The following NFILZ variants were observed in gnomAD, a reference collection of about 807,000 sequenced individuals.
The protein encoded by NFILZ is NFIL3 like basic leucine zipper.
chr19:8,656,034 G>A (rs1271747335), intron 3 of NFILZ, among the ~76,000 whole-genome samples: 2 of 152,012 alleles, frequency 1.3e-5, no homozygotes, highest in East Asian at 1.9e-4. Flanking sequence ...CCCTCTCCGA[G>A]GTTCTCTTCC....
rs901927373 is a variant in NFILZ at position 8,655,919 on chromosome 19, G to T, written c.-163-18632G>T. 1.4e-4 allele frequency among the ~76,000 whole-genome samples: 22 copies of T among 151,902 alleles called. No individual in the cohort carries two copies. In the South Asian group the frequency reaches 4.2e-3, roughly 29 times the overall value. On this transcript the variant is annotated intron_variant, in intron 3 of 5. Transcript: ENST00000691075. Reference sequence around the variant, plus strand: ...TCCCTGGGTCTCTGGTTCAGGGGGGGTCTCTGTCTCCGTTTGAGTCTCTGT... The same window carrying T: ...TCCCTGGGTCTCTGGTTCAGGGGGGTTCTCTGTCTCCGTTTGAGTCTCTGT...
At chr19:8,634,356 G>A (rs1174801846) in intron 2 of NFILZ, among the ~76,000 whole-genome samples, 1 of 151,964 alleles carries the variant, frequency 6.6e-6, no homozygotes, top group Admixed American at 6.6e-5. Context: ...GATTGCAGTG[G>A]TGCAATCCAG....
At chr19:8,659,179 C>A (rs528335665) in intron 3 of NFILZ, among the ~76,000 whole-genome samples, 1 of 145,690 alleles carries the variant, frequency 6.9e-6, no homozygotes, top group African/African-American at 2.6e-5. Flanking sequence ...CCTGAGAAGG[C>A]GGAGATGGCA....
intron 4 of NFILZ, among the ~76,000 whole-genome samples, chr19:8,675,642 G>C (rs76615731): frequency 0.023 from 3,494 of 152,248 alleles, 132 homozygotes; most frequent in African/African-American, 0.079. Context: ...TGGCATACAA[G>C]TGTAGTCCCA....
chr19:8,644,646 G>A (rs782196038), intron 3 of NFILZ, among the ~76,000 whole-genome samples: 5 of 150,456 alleles, frequency 3.3e-5, no homozygotes, highest in Non-Finnish European at 7.4e-5. Context: ...TTTTTTTTTT[G>A]TAGAGATGGG....
chr19:8,661,807 G>T (rs1255768227), intron 3 of NFILZ, among the ~76,000 whole-genome samples: 2 of 152,076 alleles, frequency 1.3e-5, no homozygotes, highest in African/African-American at 4.8e-5. Context: ...CAGGAGAATC[G>T]CTTGAACCCA....
chr19:8,667,607 G>A (rs1185127636), intron 3 of NFILZ, among the ~76,000 whole-genome samples: 2 of 152,068 alleles, frequency 1.3e-5, no homozygotes, highest in Non-Finnish European at 2.9e-5. Context: ...CAGTGCAGTG[G>A]TGCGATCTCG....
intron 3 of NFILZ, among the ~76,000 whole-genome samples, chr19:8,639,230 A>G (rs10410759): frequency 0.012 from 1,852 of 152,150 alleles, 42 homozygotes; most frequent in African/African-American, 0.043. Flanking sequence ...GCAAAGGCAG[A>G]GAGGTGACAG....
At chr19:8,670,429 C>T (rs79948206) in intron 3 of NFILZ, among the ~76,000 whole-genome samples, 2,173 of 152,022 alleles carry the variant, frequency 0.014, 60 homozygotes, top group African/African-American at 0.049. Flanking sequence ...AACCATTAAA[C>T]GTATGAATAT....
At chr19:8,650,704 TA>T (rs201781332) in intron 3 of NFILZ, among the ~76,000 whole-genome samples, 35 of 150,176 alleles carry the variant, frequency 2.3e-4, no homozygotes, top group Non-Finnish European at 2.8e-4. Flanking sequence ...AAACTCATGC[TA>T]AAAAAAAAGA....
At chr19:8,631,477 G>T (rs1219166959) in intron 1 of NFILZ, among the ~76,000 whole-genome samples, 1 of 152,098 alleles carries the variant, frequency 6.6e-6, no homozygotes, top group Non-Finnish European at 1.5e-5. Flanking sequence ...GATCTCTGGG[G>T]GGTCTGGAGG....
intron 2 of NFILZ, among the ~76,000 whole-genome samples, chr19:8,634,775 G>A (rs963806890): frequency 2.0e-5 from 3 of 152,058 alleles, no homozygotes; most frequent in African/African-American, 7.2e-5. Context: ...AGCTAATTGG[G>A]AGGCTAAGGT....
At chr19:8,632,927 T>C (rs954113731) in intron 2 of NFILZ, among the ~76,000 whole-genome samples, 3 of 151,766 alleles carry the variant, frequency 2.0e-5, no homozygotes, top group African/African-American at 7.3e-5. Context: ...TTCACCATGT[T>C]GTCCAGGCTG....
intron 3 of NFILZ, among the ~76,000 whole-genome samples, chr19:8,649,737 A>G (rs2042956827): frequency 2.0e-5 from 3 of 152,160 alleles, no homozygotes; most frequent in Admixed American, 2.0e-4. Flanking sequence ...AAGCAAGAAT[A>G]AAAATCACCA....
rs529065180 is a variant in NFILZ, at chr19:8,680,391, T to C, written c.*2756T>C. Among the ~76,000 whole-genome samples, 11 of 147,848 alleles carry C rather than the reference T, an allele frequency of 7.4e-5. No homozygotes were observed. Among genetic ancestry groups the C allele is most frequent in the Non-Finnish European group, 1.0e-4 (7 of 67,740 alleles). ...TCATAAGTTTCTCATTGTTTCATTT[T>C]ATTCAAGGCATGTTTTGTTGTAAAA... On this transcript the variant is annotated 3_prime_UTR_variant, in exon 6 of 6. Coordinates refer to ENST00000691075, the MANE Select transcript of NFILZ (RefSeq NM_001378600.1).
chr19:8,663,740 G>GATGTGTGTGTA (rs2043045954), intron 3 of NFILZ, among the ~76,000 whole-genome samples: 2 of 131,646 alleles, frequency 1.5e-5, no homozygotes, highest in African/African-American at 5.7e-5. Flanking sequence ...GTGTGTGTGT[G>GATGTGTGTGTA]TGTGTGTGTG....
chr19:8,672,793 C>G (rs1458445013), intron 3 of NFILZ, among the ~76,000 whole-genome samples: 1 of 152,146 alleles, frequency 6.6e-6, no homozygotes, highest in African/African-American at 2.4e-5. Context: ...TTTTACAGGG[C>G]CTTCCTCCTT....
chr19:8,636,691 A>G (rs1446833361), intron 3 of NFILZ, among the ~76,000 whole-genome samples: 1 of 151,724 alleles, frequency 6.6e-6, no homozygotes, highest in African/African-American at 2.4e-5. Flanking sequence ...TCCCGACCTC[A>G]GGTGATCAGC....
rs1272848858 is a variant in NFILZ, at chr19:8,678,832, T to C, written c.*1197T>C. ...TGTCCCCTCACCCACCCACTCACGA[T>C]CTTTAGACCTTCCTTTTGTGCCCAG... On this transcript the variant is annotated 3_prime_UTR_variant, in exon 6 of 6. Transcript: ENST00000691075. Among the ~76,000 whole-genome samples the C allele has an allele frequency of 5.3e-5, 8 of 152,198 alleles. No individual in the cohort carries two copies. Among genetic ancestry groups the C allele is most frequent in the Admixed American group, 5.2e-4 (8 of 15,276 alleles).
Sources: allele counts gnomAD v4.1 joint callset (sites outside exome capture counted in the v4.1 genomes callset), GRCh38; gene constraint gnomAD v4.1.1; transcripts MANE v1.5; gene names NCBI Gene and HGNC (gene_info 2026-07-23, HGNC 2026-07-21).